DHX29: variants seen among roughly 807,000 people sequenced by gnomAD.
DHX29 encodes the protein DExH-box helicase 29.
In DHX29, 79 loss-of-function variants were observed where a neutral mutation model predicts 167.9. The observed-to-expected ratio is 0.47, with a 90% CI of 0.39 to 0.57. The LOEUF (loss-of-function observed/expected upper bound fraction) is 0.57, where lower values mean the gene tolerates loss of function less well. DHX29 is among the 20% of genes least tolerant of loss of function. The probability of loss-of-function intolerance (pLI) is 0.00; values close to 1 mark genes in which losing one functional copy is unlikely to be tolerated. For synonymous variants in DHX29, 530 were observed against 546.0 expected (o/e 0.97, Z 0.41); for missense variants, 1,347 against 1,593.4 (o/e 0.85, Z 2.63).
chr5:55,296,230 G>T lies in DHX29; in HGVS notation c.495C>A (p.Asn165Lys), dbSNP rs1244513708. 1.2e-6 allele frequency: 2 copies of T among 1,611,848 alleles called. No homozygotes were observed. The highest frequency in any genetic ancestry group is 1.7e-6 in the Non-Finnish European group (2 of 1,179,048). ...AATGATATTGTTTACCATCTGAAAG[G>T]TTTAAACAGAGCCAATCCAAGGCAG... ...LHSALDWLCL[N>K]LSDDALPEGF... The change falls in exon 4 of 27, where the codon AAC becomes AAA. Residue 165 changes from asparagine (N) to lysine (K), a missense_variant. Physicochemically the swap from Asn to Lys is moderately conservative, Grantham distance 94. This residue lies in a region of DHX29 where 405 missense variants were observed against 416.8 expected (regional missense o/e 0.97). Coordinates refer to ENST00000251636, the MANE Select transcript of DHX29 (RefSeq NM_019030.4).
In DHX29 at chr5:55,298,582, GTTAC is replaced by G. The variant is rs751609976; in HGVS notation, c.261+5_261+8del. On this transcript the variant is annotated splice_donor_5th_base_variant and intron_variant, in intron 2 of 26. Transcript: ENST00000251636. The stretch of plus-strand genomic sequence containing the variant: ...TTTCTTGAAATGACTCAAAACCTTT[GTTAC>G]TTACTTTCAAAATAGATTTATCCAG... 2 of 1,463,256 alleles carry G rather than the reference GTTAC, an allele frequency of 1.4e-6. No homozygotes were observed. Among genetic ancestry groups the G allele is most frequent in the East Asian group, 2.3e-5 (1 of 43,908 alleles). The allele number at this position is 1,463,256 out of a possible 1,614,324, so 90.6% of individuals were successfully genotyped here.
intron 15 of DHX29, 60 bp downstream of exon 15, chr5:55,274,806 T>G: frequency 1.3e-6 from 2 of 1,569,312 alleles, no homozygotes; most frequent in African/African-American, 2.7e-5. Context: ...ATAAAACATC[T>G]CCAGCTAGTA....
intron 1 of DHX29, among the ~76,000 whole-genome samples, chr5:55,299,036 CAAA>C (rs35986300): frequency 0.16 from 12,154 of 75,688 alleles, 335 homozygotes; most frequent in East Asian, 0.28. Context: ...GACTCCGTCT[CAAA>C]AAAAAAAAAA....
At chr5:55,273,234 C>T (rs13355909) in intron 17 of DHX29, 59 bp downstream of exon 17, 268,734 of 1,476,504 alleles carry the variant, frequency 0.18, 25,450 homozygotes, top group Admixed American at 0.2. Context: ...AAAAGTTATA[C>T]GGCCATCATA....
chr5:55,283,221 T>G lies in DHX29; in HGVS notation c.1947A>C (p.Glu649Asp). 6.3e-7 allele frequency: 1 copy of G among 1,590,356 alleles called. No individual in the cohort carries two copies. Reference protein sequence around the residue: ...ANRVCDELGCENGPGGRNSLC... With the variant: ...ANRVCDELGCDNGPGGRNSLC... ...AGCTTACCCTTCCTCCAGGTCCATT[T>G]TCACAGCCCAATTCATCACATACTC... Residue 649 changes from glutamate to aspartate, a missense_variant, in exon 11 of 27, where the codon GAA becomes GAC. Physicochemically the swap from Glu to Asp is conservative, Grantham distance 45 (BLOSUM62 2). Transcript: ENST00000251636.
At chr5:55,259,151 T>G (rs1158444696) in intron 26 of DHX29, among the ~76,000 whole-genome samples, 3 of 151,570 alleles carry the variant, frequency 2.0e-5, no homozygotes, top group African/African-American at 7.3e-5. Context: ...TGGCTTATTA[T>G]TTTTTTTTAA....
At position 55,262,707 on chromosome 5, in the gene DHX29, G is replaced by T; in HGVS notation, c.3751C>A (p.Gln1251Lys). 6.2e-7 allele frequency: 1 copy of T among 1,613,972 alleles called. No homozygotes were observed. Among genetic ancestry groups the T allele is most frequent in the South Asian group, 1.1e-5 (1 of 91,074 alleles). ...GATGGGTGTACTTGTGCTTTGCCTT[G>T]GGCCGTCTCCACAATGCAAGCCAAT... ...EKLACIVETA[Q>K]GKAQVHPSSV... The change falls in exon 24 of 27, where the codon CAA becomes AAA. Residue 1251 changes from glutamine (Q) to lysine (K), a missense_variant. Gln to Lys is a moderately conservative substitution (Grantham distance 53, BLOSUM62 1). This residue lies in a region of DHX29 where 882 missense variants were observed against 1,082.4 expected (regional missense o/e 0.81). Transcript: ENST00000251636.
Position 55,256,404 on chromosome 5 carries a change from C to T in DHX29, c.*84G>A. ...TACCAACATTTTAAGTAATGAAATA[C>T]TTAATGTGATGACCCATTTTCAGAT... On this transcript the variant is annotated 3_prime_UTR_variant, in exon 27 of 27. Transcript: ENST00000251636. The T allele has an allele frequency of 2.4e-6, 3 of 1,258,694 alleles. No homozygotes were observed. The highest frequency in any genetic ancestry group is 3.3e-6 in the Non-Finnish European group (3 of 908,770). 78.0% of individuals were successfully genotyped at this position (1,258,694 alleles called of 1,614,324 possible). A position where few individuals can be genotyped will look rare whatever the true frequency, so the allele number is the denominator to read the frequency against.
At chr5:55,292,063 G>T (rs1297730614) in intron 6 of DHX29, among the ~76,000 whole-genome samples, 1 of 152,108 alleles carries the variant, frequency 6.6e-6, no homozygotes, top group Non-Finnish European at 1.5e-5. Flanking sequence ...TGGATCATAT[G>T]GTAATTCAAT....
At chr5:55,292,492 C>T (rs1029426532) in intron 6 of DHX29, among the ~76,000 whole-genome samples, 1 of 152,142 alleles carries the variant, frequency 6.6e-6, no homozygotes, top group Non-Finnish European at 1.5e-5. Flanking sequence ...TTCCAAATTG[C>T]TCTAAACATC....
chr5:55,261,586 A>G, intron 24 of DHX29, 87 bp from the exon 25 acceptor site: 1 of 835,986 alleles, frequency 1.2e-6, no homozygotes, highest in Non-Finnish European at 2.0e-6. Flanking sequence ...ATTTTTCTAC[A>G]ATTTGTTATT....
At chr5:55,264,552 T>C (rs2111797356) in intron 23 of DHX29, among the ~76,000 whole-genome samples, 1 of 152,326 alleles carries the variant, frequency 6.6e-6, no homozygotes, top group South Asian at 2.1e-4. Context: ...TAGAGAAGTC[T>C]TCCGTACGAA....
chr5:55,271,357 G>C (rs186968574), intron 18 of DHX29, among the ~76,000 whole-genome samples: 1 of 152,192 alleles, frequency 6.6e-6, no homozygotes, highest in Non-Finnish European at 1.5e-5. Context: ...TTGGCTGGGC[G>C]AGGTGGCTCA....
Position 55,270,471 on chromosome 5 carries a change from C to G in DHX29, c.3010G>C (p.Asp1004His). The change falls in exon 20 of 27, where the codon GAT becomes CAT. Residue 1004 changes from aspartate to histidine, a missense_variant. Asp to His is a moderately conservative substitution (Grantham distance 81). Around this residue, in one of 3 missense-constraint regions of DHX29, gnomAD observed 882 missense variants for 1,082.4 expected, o/e 0.81. Coordinates refer to ENST00000251636, the MANE Select transcript of DHX29 (RefSeq NM_019030.4). ...CGTAAGATTTCAGGAACAGAATAAT[C>G]CATAAAGCCTTCAAATCTGAAAAAT... is the stretch of plus-strand genomic sequence containing the variant. The part of the protein sequence containing the change: ...YTRERFEGFM[D>H]YSVPEILRVP... 6.2e-7 allele frequency: 1 copy of G among 1,613,318 alleles called. No individual in the cohort carries two copies. Among genetic ancestry groups the G allele is most frequent in the Non-Finnish European group, 8.5e-7 (1 of 1,179,782 alleles).
At chr5:55,306,873 A>G (rs2111999308) in intron 1 of DHX29, among the ~76,000 whole-genome samples, 1 of 152,312 alleles carries the variant, frequency 6.6e-6, no homozygotes, top group South Asian at 2.1e-4. Context: ...AGGGCAGACA[A>G]TTTTACAATA....
chr5:55,272,714 CA>C (rs2111836342), intron 17 of DHX29, among the ~76,000 whole-genome samples: 1 of 152,140 alleles, frequency 6.6e-6, no homozygotes, highest in African/African-American at 2.4e-5. Context: ...GCCTGGGCAA[CA>C]AGGCTGGAGT....
chr5:55,270,620 C>T lies in DHX29; in HGVS notation c.2951G>A (p.Arg984Gln), dbSNP rs367905937. 7 of 1,614,198 alleles carry T rather than the reference C, an allele frequency of 4.3e-6. No individual in the cohort carries two copies. Among genetic ancestry groups the T allele is most frequent in the South Asian group, 1.1e-5 (1 of 91,090 alleles). The part of the protein sequence containing the change: ...SALQRQGRAG[R>Q]VRDGFCFRMY... ...TCGGAAACAGAAGCCATCTCTGACC[C>T]GCCCAGCTCTTCCCTGGCGCTGCAA... Residue 984 changes from arginine to glutamine, a missense_variant, in exon 19 of 27, where the codon CGG becomes CAG. By Grantham distance (43) the Arg-to-Gln change is conservative. This residue lies in a region of DHX29 where 882 missense variants were observed against 1,082.4 expected (regional missense o/e 0.81). Transcript: ENST00000251636.
At chr5:55,294,747 G>T (rs143360696) in intron 5 of DHX29, 1 of 152,348 alleles carries the variant, frequency 6.6e-6, no homozygotes, top group Non-Finnish European at 1.5e-5. Context: ...TTATTTTTTC[G>T]TAGACGTTTT....
chr5:55,306,622 A>T (rs1421165082), intron 1 of DHX29, among the ~76,000 whole-genome samples: 2 of 152,184 alleles, frequency 1.3e-5, no homozygotes, highest in African/African-American at 4.8e-5. Flanking sequence ...CATTCCTCAC[A>T]TCTTATCAGA....
Sources: gnomAD v4.1 joint callset for allele counts (sites outside exome capture counted in the v4.1 genomes callset) on GRCh38, gnomAD v4.1.1 for gene constraint, gnomAD v4.1.1 regional missense constraint, MANE v1.5 for transcripts, NCBI Gene and HGNC (gene_info 2026-07-23, HGNC 2026-07-21) for gene names.